The following IL1RAPL2 variants were observed in gnomAD, a reference collection of about 807,000 sequenced individuals.
IL1RAPL2 encodes the protein interleukin 1 receptor accessory protein like 2.
IL1RAPL2 carries 3 observed loss-of-function variants against 44.1 expected under a neutral mutation model. The ratio of observed to expected loss-of-function variants is 0.07; its 90% CI spans 0.03 to 0.18. The LOEUF is 0.18. Among genes scored for constraint, IL1RAPL2 ranks in the 10% least tolerant of loss-of-function variants. The pLI, the probability that IL1RAPL2 is intolerant of heterozygous loss-of-function variation, is 1.00. For synonymous variants in IL1RAPL2, 181 were observed against 178.8 expected (o/e 1.01, Z -0.10); for missense variants, 391 against 496.4 (o/e 0.79, Z 2.02).
intron 1 of IL1RAPL2, among the ~76,000 whole-genome samples, chrX:104,568,524 A>G (rs993282536): frequency 3.6e-5 from 4 of 111,625 alleles, no homozygotes; most frequent in Non-Finnish European, 7.5e-5. Context: ...GAACTCTCTA[A>G]TTTGCGGGCC....
In IL1RAPL2 at chrX:105,374,385, G is replaced by T. The variant is rs1380160632; in HGVS notation, c.697+106844G>T. Reference sequence around the variant, plus strand: ...TTCTAATTCTGTGAAGAATATCATTGGTAGTTTGATAGAAATAGCATTGAC... The same window carrying T: ...TTCTAATTCTGTGAAGAATATCATTTGTAGTTTGATAGAAATAGCATTGAC... On this transcript the variant is annotated intron_variant, in intron 5 of 10. Coordinates refer to ENST00000372582, the MANE Select transcript of IL1RAPL2 (RefSeq NM_017416.2). 2.7e-5 allele frequency among the ~76,000 whole-genome samples: 3 copies of T among 111,061 alleles called. No individual in the cohort carries two copies. In the East Asian group the frequency reaches 8.5e-4, roughly 32 times the overall value.
At chrX:104,592,700 C>T (rs1928691446) in intron 1 of IL1RAPL2, among the ~76,000 whole-genome samples, 1 of 111,599 alleles carries the variant, frequency 9.0e-6, no homozygotes, top group African/African-American at 3.2e-5. Flanking sequence ...TAAACTGTAA[C>T]CACAAGGCAT....
chrX:105,519,851 C>G (rs974301979), intron 6 of IL1RAPL2, among the ~76,000 whole-genome samples: 4 of 111,348 alleles, frequency 3.6e-5, no homozygotes, highest in Non-Finnish European at 7.5e-5. Flanking sequence ...TTAACTCAGG[C>G]ATTTTCAACA....
chrX:104,676,518 T>A (rs190034770), intron 2 of IL1RAPL2, among the ~76,000 whole-genome samples: 3 of 111,785 alleles, frequency 2.7e-5, no homozygotes, highest in African/African-American at 9.8e-5. Context: ...CCTTTCTCTC[T>A]GGCTGCCCTT....
chrX:104,971,057 G>A (rs1489483803), intron 2 of IL1RAPL2, among the ~76,000 whole-genome samples: 1 of 111,989 alleles, frequency 8.9e-6, no homozygotes, highest in Non-Finnish European at 1.9e-5. Flanking sequence ...GCTATTAAAG[G>A]CCCTACGAGG....
intron 1 of IL1RAPL2, among the ~76,000 whole-genome samples, chrX:104,608,966 G>A (rs1332189747): frequency 9.0e-6 from 1 of 111,452 alleles, no homozygotes; most frequent in African/African-American, 3.3e-5. Context: ...TTACAATTTG[G>A]CATGTTTTTG....
Position 104,659,003 on chromosome X carries a change from G to T in IL1RAPL2, c.82+8G>T, listed in dbSNP as rs1216896090. The T allele has an allele frequency of 1.7e-6, 2 of 1,175,191 alleles. No homozygotes were observed. Among genetic ancestry groups the T allele is most frequent in the African/African-American group, 3.5e-5 (2 of 57,031 alleles). On this transcript the variant is annotated splice_region_variant and intron_variant, in intron 2 of 10. Transcript: ENST00000372582. ...TGTCAAAGAGAAATTCTGGTAAGTT[G>T]CTGGCAACTTGCCACTATTTGGTCA... is the stretch of plus-strand genomic sequence containing the variant.
intron 2 of IL1RAPL2, among the ~76,000 whole-genome samples, chrX:105,008,019 T>A (rs966627122): frequency 6.1e-5 from 7 of 113,919 alleles, no homozygotes; most frequent in African/African-American, 1.9e-4. Context: ...ATACTATCTG[T>A]CTTAGTCTGT....
intron 2 of IL1RAPL2, among the ~76,000 whole-genome samples, chrX:104,709,090 G>T (rs1931409313): frequency 9.0e-6 from 1 of 110,712 alleles, no homozygotes; most frequent in Non-Finnish European, 1.9e-5. Flanking sequence ...TGTATCTCTG[G>T]ATTCAAATAA....
At chrX:105,301,728 T>A (rs1372664778) in intron 5 of IL1RAPL2, among the ~76,000 whole-genome samples, 1 of 112,431 alleles carries the variant, frequency 8.9e-6, no homozygotes, top group East Asian at 2.8e-4. Flanking sequence ...GGCTGAATAG[T>A]ACTCCATTGT....
At chrX:105,434,846 T>C in intron 5 of IL1RAPL2, among the ~76,000 whole-genome samples, 1 of 112,046 alleles carries the variant, frequency 8.9e-6, no homozygotes, top group East Asian at 2.8e-4. Context: ...TGGTTTTGGG[T>C]TTCACATTTA....
In IL1RAPL2 at chrX:105,025,480, C is replaced by T. The variant is rs769871102; in HGVS notation, c.83-169995C>T. The stretch of plus-strand genomic sequence containing the variant: ...CGCTAAATGTCAAATTAATCTTAAA[C>T]GCCCATAGGATTAATGTTGAAAATT... On this transcript the variant is annotated intron_variant, in intron 2 of 10. Coordinates refer to ENST00000372582, the MANE Select transcript of IL1RAPL2 (RefSeq NM_017416.2). Among the ~76,000 whole-genome samples the T allele has an allele frequency of 6.9e-4, 77 of 111,341 alleles. 1 individual carries two copies. The highest frequency in any genetic ancestry group is 2.2e-3 in the South Asian group (6 of 2,686).
chrX:104,770,413 T>G (rs752429591), intron 2 of IL1RAPL2, among the ~76,000 whole-genome samples: 11 of 111,607 alleles, frequency 9.9e-5, no homozygotes, highest in Non-Finnish European at 2.1e-4. Flanking sequence ...AAGCTTGATG[T>G]AATGTTCATC....
intron 7 of IL1RAPL2, among the ~76,000 whole-genome samples, chrX:105,735,066 G>A (rs1001033516): frequency 1.8e-5 from 2 of 111,576 alleles, no homozygotes; most frequent in Non-Finnish European, 3.8e-5. Flanking sequence ...AGGGATTTAA[G>A]AAAAGTTGAT....
chrX:104,910,077 C>T (rs780909691), intron 2 of IL1RAPL2, among the ~76,000 whole-genome samples: 4 of 112,391 alleles, frequency 3.6e-5, no homozygotes, highest in South Asian at 3.7e-4. Context: ...TTAAGCCTGT[C>T]GGAAAAGCGC....
chrX:105,739,476 C>T (rs994276680), intron 7 of IL1RAPL2, among the ~76,000 whole-genome samples: 1 of 102,046 alleles, frequency 9.8e-6, no homozygotes, highest in African/African-American at 3.5e-5. Flanking sequence ...TTAGGTATAT[C>T]GCCCAATGCT....
At position 105,438,099 on chromosome X, in the gene IL1RAPL2, T is replaced by G. The variant is rs144300475; in HGVS notation, c.698-46214T>G. 4.5e-5 allele frequency among the ~76,000 whole-genome samples: 5 copies of G among 111,951 alleles called. No individual in the cohort carries two copies. In the East Asian group the frequency reaches 1.1e-3, roughly 25 times the overall value. ...TGGCTATAATTAAGTGTTTTAAAAT[T>G]AATGTTATCAGCTCTTCATTCATCC... is the stretch of plus-strand genomic sequence containing the variant. On this transcript the variant is annotated intron_variant, in intron 5 of 10. Transcript: ENST00000372582.
chrX:105,191,169 C>T (rs2033629360), intron 2 of IL1RAPL2, among the ~76,000 whole-genome samples: 1 of 112,704 alleles, frequency 8.9e-6, no homozygotes, highest in Non-Finnish European at 1.9e-5. Context: ...GCTTTCTTCA[C>T]TCCATTATAA....
At chrX:104,916,580 C>T (rs878907107) in intron 2 of IL1RAPL2, among the ~76,000 whole-genome samples, 1 of 111,288 alleles carries the variant, frequency 9.0e-6, no homozygotes, top group Admixed American at 9.6e-5. Context: ...TGCCTGATTG[C>T]CCTGGCCAGA....
Sources: allele counts gnomAD v4.1 joint callset (sites outside exome capture counted in the v4.1 genomes callset), GRCh38; gene constraint gnomAD v4.1.1; transcripts MANE v1.5; gene names NCBI Gene and HGNC (gene_info 2026-07-23, HGNC 2026-07-21).